Variants in KALRN observed in about 807,000 individuals in gnomAD.
KALRN encodes the protein kalirin.
Under a neutral mutation model 353.7 loss-of-function variants are expected in KALRN, and 70 were observed. That is an observed-to-expected ratio of 0.20 (90% CI 0.16 to 0.24). The LOEUF (loss-of-function observed/expected upper bound fraction) is 0.24. Ranked by LOEUF, KALRN falls within the 10% of genes least tolerant of loss-of-function variation. The pLI, the probability that KALRN is intolerant of heterozygous loss-of-function variation, is 1.00. For synonymous variants in KALRN, 1,391 were observed against 1,434.8 expected (o/e 0.97, Z 0.69); for missense variants, 2,791 against 3,756.7 (o/e 0.74, Z 6.72).
chr3:124,036,337 T>C (rs1262809092), intron 1 of KALRN, among the ~76,000 whole-genome samples: 3 of 152,094 alleles, frequency 2.0e-5, no homozygotes, highest in Non-Finnish European at 4.4e-5. Context: ...TGTTCCTGCG[T>C]TAGTTTGCTT....
At chr3:124,145,701 A>G (rs2067245105) in intron 1 of KALRN, among the ~76,000 whole-genome samples, 1 of 152,246 alleles carries the variant, frequency 6.6e-6, no homozygotes, top group Admixed American at 6.5e-5. Context: ...AAATTAATGT[A>G]ACCACTCCAT....
At chr3:124,204,030 C>T (rs562054791) in intron 1 of KALRN, among the ~76,000 whole-genome samples, 8 of 152,234 alleles carry the variant, frequency 5.3e-5, no homozygotes, top group African/African-American at 7.2e-5. Flanking sequence ...TTTTGGTATA[C>T]GCGGAGGTCC....
At chr3:124,491,612 G>T (rs538796361) in intron 31 of KALRN, 188 bp downstream of exon 31, 2 of 445,276 alleles carry the variant, frequency 4.5e-6, no homozygotes, top group South Asian at 4.7e-5. Flanking sequence ...TCTCAAAGAC[G>T]CATGGTCTCC....
At chr3:124,694,202 T>C in intron 52 of KALRN, 130 bp from the exon 53 acceptor site, 1 of 844,292 alleles carries the variant, frequency 1.2e-6, no homozygotes, top group Non-Finnish European at 1.9e-6. Flanking sequence ...GACTCACCAG[T>C]GTTATACTGA....
In KALRN at chr3:124,563,245, G is replaced by A. The variant is rs527318742; in HGVS notation, c.5182+156G>A. 1.4e-4 allele frequency among the ~76,000 whole-genome samples: 21 copies of A among 152,306 alleles called. No homozygotes were observed. In the East Asian group the frequency reaches 3.3e-3, roughly 24 times the overall value. On this transcript the variant is annotated intron_variant, in intron 34 of 59. Transcript: ENST00000682506. The stretch of plus-strand genomic sequence containing the variant: ...CCTGACTGTGAAGAGAATGGGTTGG[G>A]AACTTGGAGAGGAAGAGCTCCCGAG...
intron 19 of KALRN, among the ~76,000 whole-genome samples, chr3:124,442,777 G>A (rs1440194994): frequency 6.6e-6 from 1 of 152,058 alleles, no homozygotes; most frequent in Non-Finnish European, 1.5e-5. Context: ...TTGAGGCCAG[G>A]AGTTCAAGAC....
At chr3:124,064,846 C>A in intron 1 of KALRN, among the ~76,000 whole-genome samples, 1 of 152,140 alleles carries the variant, frequency 6.6e-6, no homozygotes, top group East Asian at 1.9e-4. Flanking sequence ...AGTATTCAGA[C>A]AAGGACAAGG....
chr3:124,702,187 GT>G, intron 57 of KALRN, 71 bp downstream of exon 57: 1 of 911,782 alleles, frequency 1.1e-6, no homozygotes, highest in Non-Finnish European at 1.7e-6. Flanking sequence ...GTAACTTTTT[GT>G]TGTTGTCATT....
intron 47 of KALRN, among the ~76,000 whole-genome samples, chr3:124,670,448 C>T (rs1038247755): frequency 6.6e-6 from 1 of 152,210 alleles, no homozygotes; most frequent in African/African-American, 2.4e-5. Context: ...CCTGTTATTA[C>T]TTTGACACAT....
At chr3:124,241,539 G>A (rs79412365) in intron 3 of KALRN, among the ~76,000 whole-genome samples, 10,129 of 152,204 alleles carry the variant, frequency 0.067, 955 homozygotes, top group East Asian at 0.46. Context: ...ATCATAATTT[G>A]TGTCAATATC....
chr3:124,385,362 G>A (rs2088088028), intron 11 of KALRN, among the ~76,000 whole-genome samples: 1 of 152,120 alleles, frequency 6.6e-6, no homozygotes, highest in African/African-American at 2.4e-5. Context: ...AGAAATGTAA[G>A]AGGATCACAG....
intron 1 of KALRN, among the ~76,000 whole-genome samples, chr3:124,093,533 C>G (rs1336837753): frequency 6.6e-6 from 1 of 152,238 alleles, no homozygotes; most frequent in African/African-American, 2.4e-5. Context: ...ACTGGGCACC[C>G]CGTCATGCCC....
At chr3:124,410,116 A>G in intron 13 of KALRN, 1 of 467,448 alleles carries the variant, frequency 2.1e-6, no homozygotes, top group Non-Finnish European at 4.4e-6. Flanking sequence ...CATATTTCAC[A>G]TTTAGCTTAG....
chr3:124,312,648 A>G (rs2078388564), intron 6 of KALRN, among the ~76,000 whole-genome samples: 1 of 152,252 alleles, frequency 6.6e-6, no homozygotes, highest in African/African-American at 2.4e-5. Flanking sequence ...AAGCTGAAGT[A>G]AGAGGATCTG....
chr3:124,273,416 G>A (rs2148964226), intron 5 of KALRN, among the ~76,000 whole-genome samples: 1 of 152,372 alleles, frequency 6.6e-6, no homozygotes, highest in African/African-American at 2.4e-5. Context: ...AATTAAGCAA[G>A]TGAGCACATA....
chr3:124,234,232 C>T (rs1437855172), intron 2 of KALRN, among the ~76,000 whole-genome samples: 2 of 152,198 alleles, frequency 1.3e-5, no homozygotes, highest in Non-Finnish European at 1.5e-5. Flanking sequence ...GCAGGAGTGA[C>T]AGGTGGCACC....
chr3:124,386,704 T>C (rs1016569600), intron 11 of KALRN, among the ~76,000 whole-genome samples: 35 of 152,206 alleles, frequency 2.3e-4, no homozygotes, highest in African/African-American at 8.4e-4. Flanking sequence ...TCTTCTTCTT[T>C]ATTTGCTATT....
intron 34 of KALRN, among the ~76,000 whole-genome samples, chr3:124,571,638 C>A (rs2073519810): frequency 6.6e-6 from 1 of 152,082 alleles, no homozygotes; most frequent in South Asian, 2.1e-4. Context: ...CAGGTAATTA[C>A]CTTTGTTAAT....
chr3:124,511,336 A>C (rs1386955233), intron 33 of KALRN, among the ~76,000 whole-genome samples: 1 of 152,164 alleles, frequency 6.6e-6, no homozygotes, highest in Non-Finnish European at 1.5e-5. Flanking sequence ...GACCTCTTGC[A>C]TTCTACTCGA....
Sources: allele counts gnomAD v4.1 joint callset (sites outside exome capture counted in the v4.1 genomes callset), GRCh38; gene constraint gnomAD v4.1.1; transcripts MANE v1.5; gene names NCBI Gene and HGNC (gene_info 2026-07-23, HGNC 2026-07-21).